Variants in PHACTR1 observed in about 807,000 individuals in gnomAD.
PHACTR1 encodes the protein RPEL repeat containing 1.
Under a neutral mutation model 69.2 loss-of-function variants are expected in PHACTR1, and 16 were observed. The ratio of observed to expected loss-of-function variants is 0.23; its 90% CI spans 0.16 to 0.35. PHACTR1 has a LOEUF of 0.35. Among genes scored for constraint, PHACTR1 ranks in the 10% least tolerant of loss-of-function variants. PHACTR1 has a pLI of 1.00. For synonymous variants in PHACTR1, 312 were observed against 284.5 expected (o/e 1.10, Z -0.97); for missense variants, 510 against 734.7 (o/e 0.69, Z 3.54).
At chr6:12,929,211 T>G (rs9395231) in intron 4 of PHACTR1, among the ~76,000 whole-genome samples, 24,490 of 152,104 alleles carry the variant, frequency 0.16, 4,436 homozygotes, top group African/African-American at 0.45. Context: ...CAATTTGTGC[T>G]TCAGAGTTTC....
intron 4 of PHACTR1, among the ~76,000 whole-genome samples, chr6:12,788,419 A>G (rs898263651): frequency 6.6e-6 from 1 of 152,182 alleles, no homozygotes; most frequent in Non-Finnish European, 1.5e-5. Flanking sequence ...CCTATTTTTA[A>G]TGAGGACCTC....
intron 10 of PHACTR1, among the ~76,000 whole-genome samples, chr6:13,250,680 T>C (rs1774260954): frequency 6.6e-6 from 1 of 152,230 alleles, no homozygotes; most frequent in African/African-American, 2.4e-5. Flanking sequence ...GTGAGAAGTA[T>C]GTTCCTGTTT....
At chr6:13,103,704 T>G (rs1815567514) in intron 5 of PHACTR1, among the ~76,000 whole-genome samples, 1 of 152,230 alleles carries the variant, frequency 6.6e-6, no homozygotes, top group African/African-American at 2.4e-5. Flanking sequence ...CACCCATTGT[T>G]GGCATTTGAC....
chr6:12,749,786 G>C lies in PHACTR1; in HGVS notation c.246G>C (p.Gly82=). The C allele has an allele frequency of 1.3e-6, 2 of 1,599,328 alleles. No individual in the cohort carries two copies. The highest frequency in any genetic ancestry group is 1.7e-6 in the Non-Finnish European group (2 of 1,173,116). ...LAEARISFNL[G]AAEEVERLAA... Reference sequence around the variant, plus strand: ...AGGCCAGGATCTCCTTTAACCTGGGGGCAGGTAAGAACGCCCCTGGCGCCG... The same window carrying C: ...AGGCCAGGATCTCCTTTAACCTGGGCGCAGGTAAGAACGCCCCTGGCGCCG... The change falls in exon 4 of 15, where the codon GGG becomes GGC. Residue 82 remains glycine (G), a synonymous_variant. Coordinates refer to ENST00000332995, the MANE Select transcript of PHACTR1 (RefSeq NM_030948.6).
At chr6:12,798,870 A>G (rs1371405501) in intron 4 of PHACTR1, among the ~76,000 whole-genome samples, 1 of 152,248 alleles carries the variant, frequency 6.6e-6, no homozygotes, top group East Asian at 1.9e-4. Context: ...CTGAATCTAT[A>G]TAGTGGAAGG....
chr6:13,222,314 A>G (rs571078697), intron 8 of PHACTR1, among the ~76,000 whole-genome samples: 3 of 152,348 alleles, frequency 2.0e-5, no homozygotes, highest in East Asian at 3.9e-4. Context: ...AGTGTCATTC[A>G]GTAAATCACT....
intron 4 of PHACTR1, among the ~76,000 whole-genome samples, chr6:13,037,951 G>C (rs1384825587): frequency 6.6e-6 from 1 of 152,130 alleles, no homozygotes; most frequent in African/African-American, 2.4e-5. Flanking sequence ...ACAACTCGTT[G>C]GTTTCTCTCT....
intron 4 of PHACTR1, among the ~76,000 whole-genome samples, chr6:13,020,409 A>T (rs1451459840): frequency 6.6e-6 from 1 of 152,238 alleles, no homozygotes. Context: ...GAGGTAAAGA[A>T]TGAGTTCCTG....
chr6:12,984,180 C>T (rs901948957), intron 4 of PHACTR1, among the ~76,000 whole-genome samples: 6 of 152,166 alleles, frequency 3.9e-5, no homozygotes, highest in East Asian at 1.9e-4. Flanking sequence ...AAAAGTGTTC[C>T]GATTTCTCCA....
chr6:12,770,163 A>G (rs1008677429), intron 4 of PHACTR1, among the ~76,000 whole-genome samples: 1 of 152,128 alleles, frequency 6.6e-6, no homozygotes, highest in South Asian at 2.1e-4. Flanking sequence ...GGACTCTTAA[A>G]CTGATTTTAC....
chr6:13,218,410 A>C (rs1250850710), intron 8 of PHACTR1, among the ~76,000 whole-genome samples: 1 of 152,212 alleles, frequency 6.6e-6, no homozygotes, highest in East Asian at 1.9e-4. Flanking sequence ...CTCACTGTAG[A>C]TGTCTTGGCA....
intron 10 of PHACTR1, among the ~76,000 whole-genome samples, chr6:13,255,123 A>G (rs896734402): frequency 2.0e-5 from 3 of 152,214 alleles, no homozygotes; most frequent in East Asian, 1.9e-4. Flanking sequence ...GAAATTTCCA[A>G]TCATGGCAGG....
chr6:13,143,024 A>G (rs528146092), intron 5 of PHACTR1, among the ~76,000 whole-genome samples: 41 of 152,354 alleles, frequency 2.7e-4, no homozygotes, highest in African/African-American at 9.6e-4. Flanking sequence ...AGTGCCCAGC[A>G]CAGAAAGACA....
chr6:12,799,454 C>A (rs981883539), intron 4 of PHACTR1, among the ~76,000 whole-genome samples: 3 of 151,946 alleles, frequency 2.0e-5, no homozygotes, highest in African/African-American at 4.8e-5. Context: ...TGAAAAAGAA[C>A]TATATTGTCT....
chr6:13,064,747 C>T (rs1050080903), intron 5 of PHACTR1, among the ~76,000 whole-genome samples: 2 of 149,806 alleles, frequency 1.3e-5, no homozygotes, highest in African/African-American at 4.9e-5. Context: ...TGGTCTGGGA[C>T]CCTAGGTCTT....
intron 4 of PHACTR1, among the ~76,000 whole-genome samples, chr6:13,001,764 G>A (rs756326672): frequency 1.3e-5 from 2 of 152,222 alleles, no homozygotes; most frequent in Non-Finnish European, 2.9e-5. Flanking sequence ...TGGTGTGAAA[G>A]CTTTGTGTTT....
At chr6:12,872,245 G>A (rs4711856) in intron 4 of PHACTR1, among the ~76,000 whole-genome samples, 10,344 of 151,998 alleles carry the variant, frequency 0.068, 435 homozygotes, top group Admixed American at 0.11. Context: ...AGTGATACAC[G>A]GAACAAGAGC....
chr6:12,928,743 C>T, intron 4 of PHACTR1, among the ~76,000 whole-genome samples: 1 of 151,990 alleles, frequency 6.6e-6, no homozygotes, highest in South Asian at 2.1e-4. Flanking sequence ...AAAGGGAGAG[C>T]CCAGCCCCCT....
Position 13,227,804 on chromosome 6 carries a change from G to A in PHACTR1, c.987-12G>A, listed in dbSNP as rs1770044956. The A allele has an allele frequency of 6.2e-7, 1 of 1,609,410 alleles. No individual in the cohort carries two copies. Among genetic ancestry groups the A allele is most frequent in the Non-Finnish European group, 8.5e-7 (1 of 1,177,080 alleles). On this transcript the variant is annotated splice_polypyrimidine_tract_variant and intron_variant, in intron 8 of 14. Transcript: ENST00000332995. ...AAAGTGAATTTCCTCTTTCCTCCTTGTCTTTAAACAGCTCTGAGCAGCGGG... is the reference window on the plus strand; with the variant it reads ...AAAGTGAATTTCCTCTTTCCTCCTTATCTTTAAACAGCTCTGAGCAGCGGG...
Sources: gnomAD v4.1 joint callset for allele counts (sites outside exome capture counted in the v4.1 genomes callset) on GRCh38, gnomAD v4.1.1 for gene constraint, MANE v1.5 for transcripts, NCBI Gene and HGNC (gene_info 2026-07-23, HGNC 2026-07-21) for gene names.